Variants in ESR2 observed in about 807,000 individuals in gnomAD.
The protein encoded by ESR2 is estrogen receptor 2.
Under a neutral mutation model 49.6 loss-of-function variants are expected in ESR2, and 36 were observed. The observed-to-expected ratio is 0.73, with a 90% CI of 0.56 to 0.96. The LOEUF is 0.96. ESR2 is among the 40% of genes least tolerant of loss of function. ESR2 has a pLI of 0.00. For synonymous variants in ESR2, 320 were observed against 266.1 expected (o/e 1.20, Z -1.97); for missense variants, 714 against 693.0 (o/e 1.03, Z -0.34).
chr14:64,258,515 T>G (rs1010671238), intron 5 of ESR2, among the ~76,000 whole-genome samples: 1 of 152,224 alleles, frequency 6.6e-6, no homozygotes, highest in African/African-American at 2.4e-5. Context: ...TTTGTTTTTC[T>G]TATAGGAAAA....
At chr14:64,255,476 T>C (rs1046291412) in intron 6 of ESR2, among the ~76,000 whole-genome samples, 1 of 152,082 alleles carries the variant, frequency 6.6e-6, no homozygotes, top group Non-Finnish European at 1.5e-5. Context: ...TACCAAAACA[T>C]CTCTGTTCTG....
chr14:64,332,804 A>T (rs1278633573), intron 1 of ESR2, among the ~76,000 whole-genome samples: 1 of 151,552 alleles, frequency 6.6e-6, no homozygotes, highest in Non-Finnish European at 1.5e-5. Flanking sequence ...CATCTCAAAA[A>T]AAAAAAAAAG....
upstream of ESR2, among the ~76,000 whole-genome samples, chr14:64,298,007 G>T (rs941777028): frequency 1.3e-5 from 2 of 152,116 alleles, 1 homozygote; most frequent in East Asian, 3.8e-4. Flanking sequence ...TTAATTGAAC[G>T]TGCAATAACA....
intron 1 of ESR2, among the ~76,000 whole-genome samples, chr14:64,311,449 G>A (rs1406245544): frequency 1.3e-5 from 2 of 152,004 alleles, no homozygotes; most frequent in Admixed American, 6.6e-5. Context: ...AGACCAGCCT[G>A]GCCAACATGG....
At chr14:64,286,035 T>C (rs1201382869) in intron 1 of ESR2, among the ~76,000 whole-genome samples, 1 of 152,036 alleles carries the variant, frequency 6.6e-6, no homozygotes, top group Admixed American at 6.6e-5. Context: ...CATGGTAGTA[T>C]GCTGAGAAAA....
In ESR2 at chr14:64,233,134, G is replaced by C. The variant is rs367649109; in HGVS notation, c.*3C>G. The C allele has an allele frequency of 4.2e-5, 68 of 1,612,376 alleles. No homozygotes were observed. The highest frequency in any genetic ancestry group is 5.8e-5 in the Non-Finnish European group (68 of 1,178,846). ...GTGGGCCAGTTCACCTCAGGGCCAGGCGTCACTGAGACTGTGGGTTCTGGG... is the reference window on the plus strand; with the variant it reads ...GTGGGCCAGTTCACCTCAGGGCCAGCCGTCACTGAGACTGTGGGTTCTGGG... On this transcript the variant is annotated 3_prime_UTR_variant, in exon 9 of 9. Coordinates refer to ENST00000341099, the MANE Select transcript of ESR2 (RefSeq NM_001437.3).
In ESR2 at chr14:64,232,944, C is replaced by T. The variant is rs2140605135; in HGVS notation, c.*193G>A. The T allele has an allele frequency of 1.6e-6, 2 of 1,234,962 alleles. No homozygotes were observed. Among genetic ancestry groups the T allele is most frequent in the East Asian group, 2.6e-5 (1 of 38,498 alleles). The allele number at this position is 1,234,962 out of a possible 1,614,324, so 76.5% of individuals were successfully genotyped here. A position where few individuals can be genotyped will look rare whatever the true frequency, so the allele number is the denominator to read the frequency against. On this transcript the variant is annotated 3_prime_UTR_variant, in exon 9 of 9. Coordinates refer to ENST00000341099, the MANE Select transcript of ESR2 (RefSeq NM_001437.3). ...TGCATTCAAATGTGCCCTCTGCTAA[C>T]AAGGGAAACTATGGCTTCCTCACAC...
rs1377434839 is a variant in ESR2, at chr14:64,231,384, C to G, written c.*1753G>C. The G allele has an allele frequency of 6.6e-6, 1 of 152,136 alleles. No individual in the cohort carries two copies. The highest frequency in any genetic ancestry group is 2.4e-5 in the African/African-American group (1 of 41,420). The allele number at this position is 152,136 out of a possible 1,614,324, so 9.4% of individuals were successfully genotyped here. ...AAAGAAGCTGACACTAACACTGGTTCCCTGGTTCCTATGAAACCAAGCTTA... is the reference window on the plus strand; with the variant it reads ...AAAGAAGCTGACACTAACACTGGTTGCCTGGTTCCTATGAAACCAAGCTTA... On this transcript the variant is annotated 3_prime_UTR_variant, in exon 9 of 9. Transcript: ENST00000341099.
intron 6 of ESR2, among the ~76,000 whole-genome samples, chr14:64,253,125 G>C (rs929100602): frequency 6.6e-6 from 1 of 152,010 alleles, no homozygotes; most frequent in Non-Finnish European, 1.5e-5. Flanking sequence ...CAAAGTGCTG[G>C]GACTACAGGT....
intron 1 of ESR2, among the ~76,000 whole-genome samples, chr14:64,322,994 G>A (rs2077343145): frequency 6.6e-6 from 1 of 152,226 alleles, no homozygotes; most frequent in Admixed American, 6.5e-5. Flanking sequence ...ACAACCATGA[G>A]GCACTACTAA....
rs1596356533 is a variant in ESR2 at position 64,229,988 on chromosome 14, G to A, written c.*3149C>T. ...GAGCCCAGGAGTTCAGGACCAGCCTGGGGAGCATAGTAAAACCCCATCTCT... is the reference window on the plus strand; with the variant it reads ...GAGCCCAGGAGTTCAGGACCAGCCTAGGGAGCATAGTAAAACCCCATCTCT... On this transcript the variant is annotated 3_prime_UTR_variant, in exon 9 of 9. Coordinates refer to ENST00000341099, the MANE Select transcript of ESR2 (RefSeq NM_001437.3). 6.6e-6 allele frequency among the ~76,000 whole-genome samples: 1 copy of A among 152,110 alleles called. No individual in the cohort carries two copies. Among genetic ancestry groups the A allele is most frequent in the East Asian group, 1.9e-4 (1 of 5,198 alleles).
At chr14:64,299,151 G>T (rs1320542401), upstream of ESR2, among the ~76,000 whole-genome samples, 1 of 147,928 alleles carries the variant, frequency 6.8e-6, no homozygotes, top group Non-Finnish European at 1.5e-5. Flanking sequence ...TCCCTGAAAT[G>T]AGATAAAAAA....
chr14:64,315,967 T>C (rs1169854587), intron 1 of ESR2, among the ~76,000 whole-genome samples: 3 of 152,000 alleles, frequency 2.0e-5, no homozygotes, highest in Non-Finnish European at 2.9e-5. Context: ...GCAGATAATC[T>C]TAATTGCCCT....
intron 8 of ESR2, chr14:64,234,082 T>C (rs868281706): frequency 1.3e-5 from 2 of 152,146 alleles, no homozygotes; most frequent in Admixed American, 6.6e-5. Flanking sequence ...ACCACAAATA[T>C]TGATTTTGGG....
At chr14:64,273,912 T>A (rs1459093231) in intron 3 of ESR2, among the ~76,000 whole-genome samples, 2 of 151,336 alleles carry the variant, frequency 1.3e-5, no homozygotes, top group African/African-American at 2.4e-5. Context: ...GATGAAGCCA[T>A]CAGTCCTGGC....
Position 64,257,345 on chromosome 14 carries a change from C to G in ESR2, c.972G>C (p.Leu324=), listed in dbSNP as rs777642861. 2 of 1,613,116 alleles carry G rather than the reference C, an allele frequency of 1.2e-6. No homozygotes were observed. Among genetic ancestry groups the G allele is most frequent in the Non-Finnish European group, 1.7e-6 (2 of 1,180,032 alleles). The change falls in exon 6 of 9, where the codon CTG becomes CTC. Residue 324 remains leucine, a synonymous_variant. Transcript: ENST00000341099. The stretch of plus-strand genomic sequence containing the variant: ...TCTCCAAGAGCCGCACTTGGTCGAA[C>G]AGGCTGAGCTCCACAAAGCCTGGGG... ...KKIPGFVELS[L]FDQVRLLESC...
intron 1 of ESR2, among the ~76,000 whole-genome samples, chr14:64,288,442 G>A (rs563020886): frequency 1.3e-4 from 20 of 150,514 alleles, no homozygotes; most frequent in Admixed American, 3.3e-4. Context: ...TCCACCTCCC[G>A]GGTTCAGCCA....
chr14:64,233,448 C>G (rs1435862746), intron 8 of ESR2, 125 bp from the exon 9 acceptor site: 3 of 864,560 alleles, frequency 3.5e-6, no homozygotes, highest in Non-Finnish European at 5.4e-6. Flanking sequence ...TTCCCCCAGC[C>G]CATTTATCCA....
rs8006145 is a variant in ESR2, at chr14:64,232,732, C to A, written c.*405G>T. On this transcript the variant is annotated 3_prime_UTR_variant, in exon 9 of 9. Coordinates refer to ENST00000341099, the MANE Select transcript of ESR2 (RefSeq NM_001437.3). ...AGAGGGAAGGGTAGTGTGTGCCACA[C>A]AAGAAGGGTTAGCCCACTTCTGTAA... is the stretch of plus-strand genomic sequence containing the variant. 41,482 of 168,982 alleles carry A rather than the reference C, an allele frequency of 0.25. 5,412 individuals are homozygous for A. The highest frequency in any genetic ancestry group is 0.34 in the Middle Eastern group (116 of 346). The allele number at this position is 168,982 out of a possible 1,614,324, so 10.5% of individuals were successfully genotyped here. A position where few individuals can be genotyped will look rare whatever the true frequency, so the allele number is the denominator to read the frequency against.
Sources: allele counts gnomAD v4.1 joint callset (sites outside exome capture counted in the v4.1 genomes callset), GRCh38; gene constraint gnomAD v4.1.1; transcripts MANE v1.5; gene names NCBI Gene and HGNC (gene_info 2026-07-23, HGNC 2026-07-21).